Variants in IGF2BP3 observed in about 807,000 individuals in gnomAD.
IGF2BP3 encodes insulin-like growth factor 2 mRNA-binding protein 3.
Under a neutral mutation model 73.8 loss-of-function variants are expected in IGF2BP3, and 9 were observed. The ratio of observed to expected loss-of-function variants is 0.12; its 90% CI spans 0.07 to 0.21. The LOEUF (loss-of-function observed/expected upper bound fraction) is 0.21, where lower values mean the gene tolerates loss of function less well. Among genes scored for constraint, IGF2BP3 ranks in the 10% least tolerant of loss-of-function variants. IGF2BP3 has a pLI of 1.00. For synonymous variants in IGF2BP3, 258 were observed against 256.7 expected (o/e 1.01, Z -0.05); for missense variants, 542 against 714.0 (o/e 0.76, Z 2.75).
chr7:23,458,481 G>A (rs1488453735), intron 2 of IGF2BP3, among the ~76,000 whole-genome samples: 1 of 152,002 alleles, frequency 6.6e-6, no homozygotes, highest in East Asian at 1.9e-4. Context: ...GAGACAGACA[G>A]ACACCGTGGA....
chr7:23,311,496 C>G lies in IGF2BP3; in HGVS notation c.*866G>C, dbSNP rs1436699752. On this transcript the variant is annotated 3_prime_UTR_variant, in exon 15 of 15. Transcript: ENST00000258729. ...CTTTGTTAGTACCGTCAAAAACTTT[C>G]CCAACTATAAATGAAAGAATAAATG... is the stretch of plus-strand genomic sequence containing the variant. 1 of 152,416 alleles carries G rather than the reference C, an allele frequency of 6.6e-6. No homozygotes were observed. The highest frequency in any genetic ancestry group is 1.5e-5 in the Non-Finnish European group (1 of 68,028). The allele number at this position is 152,416 out of a possible 1,614,324, so 9.4% of individuals were successfully genotyped here.
chr7:23,382,304 A>T (rs760349956), intron 3 of IGF2BP3, among the ~76,000 whole-genome samples: 1 of 152,190 alleles, frequency 6.6e-6, no homozygotes, highest in Non-Finnish European at 1.5e-5. Flanking sequence ...TTATCTCTGA[A>T]TACAACAAAA....
intron 10 of IGF2BP3, among the ~76,000 whole-genome samples, chr7:23,335,829 C>T (rs1258765438): frequency 1.3e-5 from 2 of 152,214 alleles, no homozygotes; most frequent in African/African-American, 4.8e-5. Flanking sequence ...GCTTCACTAG[C>T]TGCCAATTCC....
At chr7:23,319,484 A>T (rs1476746154) in intron 10 of IGF2BP3, among the ~76,000 whole-genome samples, 1 of 152,216 alleles carries the variant, frequency 6.6e-6, no homozygotes, top group Non-Finnish European at 1.5e-5. Context: ...CTGTTGCCTT[A>T]AACTTTAAAA....
chr7:23,451,120 TATAAG>T (rs1196642643), intron 2 of IGF2BP3, among the ~76,000 whole-genome samples: 1 of 152,170 alleles, frequency 6.6e-6, no homozygotes, highest in Non-Finnish European at 1.5e-5. Context: ...AGTTCTCTTT[TATAAG>T]AGTGTTTTAG....
chr7:23,355,250 C>A, intron 5 of IGF2BP3, among the ~76,000 whole-genome samples: 1 of 146,488 alleles, frequency 6.8e-6, no homozygotes. Flanking sequence ...GAGACAGAGT[C>A]TCACTTTTTT....
At chr7:23,453,126 T>TCAAA (rs539440564) in intron 2 of IGF2BP3, among the ~76,000 whole-genome samples, 1 of 152,276 alleles carries the variant, frequency 6.6e-6, no homozygotes, top group East Asian at 1.9e-4. Context: ...AGACTCCGTC[T>TCAAA]CAAACAAACA....
chr7:23,380,453 G>A (rs929250714), intron 3 of IGF2BP3, among the ~76,000 whole-genome samples: 7 of 152,102 alleles, frequency 4.6e-5, no homozygotes, highest in African/African-American at 1.4e-4. Flanking sequence ...ATGAGCCACC[G>A]TGCCCGGCCT....
chr7:23,443,788 T>G (rs1369851583), intron 2 of IGF2BP3, among the ~76,000 whole-genome samples: 1 of 151,944 alleles, frequency 6.6e-6, no homozygotes, highest in African/African-American at 2.4e-5. Context: ...GGAGGGTGGA[T>G]CACGAGGTCA....
At chr7:23,315,005 G>A (rs1783944660) in intron 12 of IGF2BP3, among the ~76,000 whole-genome samples, 1 of 152,162 alleles carries the variant, frequency 6.6e-6, no homozygotes, top group African/African-American at 2.4e-5. Context: ...GATTCACCAT[G>A]TTGGCCAGGC....
chr7:23,428,596 A>G (rs1787585509), intron 2 of IGF2BP3, among the ~76,000 whole-genome samples: 1 of 150,944 alleles, frequency 6.6e-6, no homozygotes. Context: ...AGTCCCAGCT[A>G]CTTGGGAGGC....
intron 5 of IGF2BP3, among the ~76,000 whole-genome samples, chr7:23,358,062 A>C (rs1213978458): frequency 1.3e-5 from 2 of 152,248 alleles, no homozygotes; most frequent in Non-Finnish European, 2.9e-5. Flanking sequence ...TCTACCTTAC[A>C]GGTATTATGA....
chr7:23,388,138 C>T (rs2128519990), intron 3 of IGF2BP3, among the ~76,000 whole-genome samples: 1 of 152,128 alleles, frequency 6.6e-6, no homozygotes, highest in South Asian at 2.1e-4. Flanking sequence ...GGGGTTTCAC[C>T]GTGTTAGCCA....
At chr7:23,361,124 G>T (rs1026550977) in intron 5 of IGF2BP3, among the ~76,000 whole-genome samples, 1 of 152,114 alleles carries the variant, frequency 6.6e-6, no homozygotes. Context: ...TGAGTAAGAA[G>T]ACTTATCATT....
At chr7:23,318,866 C>A (rs1342974735) in intron 11 of IGF2BP3, among the ~76,000 whole-genome samples, 2 of 152,154 alleles carry the variant, frequency 1.3e-5, no homozygotes, top group Non-Finnish European at 2.9e-5. Context: ...CAAGGCCGTA[C>A]CTGGGGAAGG....
intron 3 of IGF2BP3, among the ~76,000 whole-genome samples, chr7:23,401,651 G>C (rs1786667965): frequency 6.6e-6 from 1 of 152,004 alleles, no homozygotes; most frequent in African/African-American, 2.4e-5. Context: ...TGTAATCCCA[G>C]CTACTTGACA....
intron 2 of IGF2BP3, among the ~76,000 whole-genome samples, chr7:23,459,123 C>T (rs1171975524): frequency 6.6e-6 from 1 of 152,160 alleles, no homozygotes; most frequent in African/African-American, 2.4e-5. Context: ...GGAAGTAGTA[C>T]TCTATTGATC....
intron 2 of IGF2BP3, among the ~76,000 whole-genome samples, chr7:23,442,032 C>T (rs1411139893): frequency 6.6e-6 from 1 of 152,156 alleles, no homozygotes; most frequent in Non-Finnish European, 1.5e-5. Context: ...GAGGCTGAGG[C>T]ATGAGAATCA....
Position 23,310,357 on chromosome 7 carries a change from C to G in IGF2BP3, c.*2005G>C, listed in dbSNP as rs1783794629. ...TATTTCTTAGCTAGTACCAGATACT[C>G]CAAATTACAAATGCTTAAGTAAAAG... On this transcript the variant is annotated 3_prime_UTR_variant, in exon 15 of 15. Transcript: ENST00000258729. 6.6e-6 allele frequency: 1 copy of G among 152,054 alleles called. No individual in the cohort carries two copies. The highest frequency in any genetic ancestry group is 1.5e-5 in the Non-Finnish European group (1 of 68,022). The allele number at this position is 152,054 out of a possible 1,614,324, so 9.4% of individuals were successfully genotyped here. A position where few individuals can be genotyped will look rare whatever the true frequency, so the allele number is the denominator to read the frequency against.
Sources: gnomAD v4.1 joint callset for allele counts (sites outside exome capture counted in the v4.1 genomes callset) on GRCh38, gnomAD v4.1.1 for gene constraint, MANE v1.5 for transcripts, NCBI Gene and HGNC (gene_info 2026-07-23, HGNC 2026-07-21) for gene names.